OLFML2B: variants seen among roughly 807,000 people sequenced by gnomAD.
The protein encoded by OLFML2B is olfactomedin-like protein 2B.
OLFML2B carries 57 observed loss-of-function variants against 74.9 expected under a neutral mutation model. That is an observed-to-expected ratio of 0.76 (90% CI 0.61 to 0.95). OLFML2B has a LOEUF of 0.95. Among genes scored for constraint, OLFML2B ranks in the 40% least tolerant of loss-of-function variants. The probability of loss-of-function intolerance (pLI) is 0.00; values close to 1 mark genes in which losing one functional copy is unlikely to be tolerated. For missense variants in OLFML2B, 986 were observed against 970.6 expected, an observed-to-expected ratio of 1.02 and a Z score of -0.21; for synonymous variants, 388 against 405.8, an observed-to-expected ratio of 0.96 and a Z score of 0.53.
intron 1 of OLFML2B, among the ~76,000 whole-genome samples, chr1:162,021,001 C>T (rs1340840827): frequency 6.6e-6 from 1 of 152,148 alleles, no homozygotes; most frequent in Non-Finnish European, 1.5e-5. Flanking sequence ...TCTCAAGAAG[C>T]CTACAGTGCA....
intron 3 of OLFML2B, among the ~76,000 whole-genome samples, chr1:162,010,185 T>G (rs1690339497): frequency 6.6e-6 from 1 of 152,128 alleles, no homozygotes; most frequent in African/African-American, 2.4e-5. Flanking sequence ...CAGCCAACTG[T>G]GGCAATGAAA....
Position 162,023,357 on chromosome 1 carries a change from A to G in OLFML2B, c.74T>C (p.Leu25Pro). 6.2e-7 allele frequency: 1 copy of G among 1,607,320 alleles called. No individual in the cohort carries two copies. Among genetic ancestry groups the G allele is most frequent in the Non-Finnish European group, 8.5e-7 (1 of 1,175,896 alleles). The change falls in exon 1 of 8, where the codon CTC becomes CCC. Residue 25 changes from leucine to proline, a missense_variant. Transcript: ENST00000294794. ...VVPAWVSSIV[L>P]TGTSEPPDAQ... ...ATCTGGGGGCTCGCTTGTCCCTGTG[A>G]GGACAATGCTGGACACCCAGGCCGG...
chr1:162,005,717 A>G (rs1042233288), intron 4 of OLFML2B, among the ~76,000 whole-genome samples: 4 of 152,126 alleles, frequency 2.6e-5, no homozygotes, highest in Non-Finnish European at 4.4e-5. Context: ...CAGAAAATAC[A>G]TAACAAGACC....
At position 161,983,735 on chromosome 1, in the gene OLFML2B, G is replaced by A. The variant is rs1015946829; in HGVS notation, c.2193C>T (p.Arg731=). The change falls in exon 8 of 8, where the codon CGC becomes CGT. Residue 731 remains arginine (R), a synonymous_variant. Transcript: ENST00000294794. ...GGCCATTGTCCCAGGCATAGAGCAG[G>A]CGGTCCTTGGGGTTGTAGTCTATCT... The part of the protein sequence containing the change: ...TTQIDYNPKD[R]LLYAWDNGHQ... 4.3e-6 allele frequency: 7 copies of A among 1,613,772 alleles called. No individual in the cohort carries two copies. The African/African-American group carries it at 6.7e-5, about 15-fold the overall frequency.
At chr1:162,003,553 C>T (rs1044310354) in intron 4 of OLFML2B, among the ~76,000 whole-genome samples, 2 of 152,136 alleles carry the variant, frequency 1.3e-5, no homozygotes, top group African/African-American at 2.4e-5. Context: ...CAGCGGCCCC[C>T]TCCAAGCTTC....
At chr1:162,006,166 A>G in intron 4 of OLFML2B, 131 bp downstream of exon 4, 3 of 782,358 alleles carry the variant, frequency 3.8e-6, no homozygotes, top group Non-Finnish European at 5.7e-6. Flanking sequence ...AACCTGCAGA[A>G]CAATTGTATG....
In OLFML2B at chr1:162,023,559, C is replaced by T; in HGVS notation, c.-129G>A. On this transcript the variant is annotated 5_prime_UTR_variant, in exon 1 of 8. Coordinates refer to ENST00000294794, the MANE Select transcript of OLFML2B (RefSeq NM_015441.3). Reference sequence around the variant, plus strand: ...TGGCTGCTGAGAGCACCTTCTAAAGCTGGGTGCGGCTGAGCGGGACGGGAG... The same window carrying T: ...TGGCTGCTGAGAGCACCTTCTAAAGTTGGGTGCGGCTGAGCGGGACGGGAG... 1 of 906,914 alleles carries T rather than the reference C, an allele frequency of 1.1e-6. No individual in the cohort carries two copies. Among genetic ancestry groups the T allele is most frequent in the Non-Finnish European group, 1.5e-6 (1 of 650,960 alleles). The allele number at this position is 906,914 out of a possible 1,614,324, so 56.2% of individuals were successfully genotyped here.
At chr1:161,998,912 G>C (rs1325650999) in intron 5 of OLFML2B, among the ~76,000 whole-genome samples, 1 of 152,210 alleles carries the variant, frequency 6.6e-6, no homozygotes, top group Non-Finnish European at 1.5e-5. Flanking sequence ...GCTGCCTGGA[G>C]GAGGTGAAGG....
chr1:161,984,026 C>A lies in OLFML2B; in HGVS notation c.1902G>T (p.Pro634=). 2 of 1,614,178 alleles carry A rather than the reference C, an allele frequency of 1.2e-6. No individual in the cohort carries two copies. Among genetic ancestry groups the A allele is most frequent in the Middle Eastern group, 1.6e-4 (1 of 6,062 alleles). ...VDENGLWLIY[P]ALDDEGFSQE... is the part of the protein sequence containing the mutation. Reference sequence around the variant, plus strand: ...GGCTGAAGCCCTCATCGTCCAGGGCCGGGTAGATGAGCCATAGGCCATTCT... The same window carrying A: ...GGCTGAAGCCCTCATCGTCCAGGGCAGGGTAGATGAGCCATAGGCCATTCT... The change falls in exon 8 of 8, where the codon CCG becomes CCT. Residue 634 remains proline, a synonymous_variant. Coordinates refer to ENST00000294794, the MANE Select transcript of OLFML2B (RefSeq NM_015441.3).
chr1:161,988,563 C>T (rs533384197), intron 6 of OLFML2B, among the ~76,000 whole-genome samples: 9 of 148,092 alleles, frequency 6.1e-5, no homozygotes, highest in Admixed American at 4.1e-4. Flanking sequence ...CTGACACCCA[C>T]CCACCCACCT....
At chr1:162,010,550 C>G (rs1179074231) in intron 3 of OLFML2B, among the ~76,000 whole-genome samples, 1 of 152,120 alleles carries the variant, frequency 6.6e-6, no homozygotes, top group Non-Finnish European at 1.5e-5. Context: ...ATGTGTAGAC[C>G]GATGGAATGG....
Position 162,017,542 on chromosome 1 carries a change from G to T in OLFML2B, c.439-35C>A, listed in dbSNP as rs74758426. The T allele has an allele frequency of 8.6e-3, 12,858 of 1,502,934 alleles. 73 individuals are homozygous for T. Among genetic ancestry groups the T allele is most frequent in the Non-Finnish European group, 0.011 (11,507 of 1,095,894 alleles). The allele number at this position is 1,502,934 out of a possible 1,614,324, so 93.1% of individuals were successfully genotyped here. A position where few individuals can be genotyped will look rare whatever the true frequency, so the allele number is the denominator to read the frequency against. ...AAGGCAAGGGGTTAGTCCAGGGCTG[G>T]GGCACACAGACACAGGGCAGAGTTT... On this transcript the variant is annotated intron_variant, in intron 2 of 7. Transcript: ENST00000294794.
chr1:162,007,445 T>A (rs1375434263), intron 3 of OLFML2B, among the ~76,000 whole-genome samples: 1 of 152,222 alleles, frequency 6.6e-6, no homozygotes, highest in East Asian at 1.9e-4. Context: ...CTCTAGTTAT[T>A]TTTAAAGAGA....
At chr1:162,021,822 C>T (rs780844931) in intron 1 of OLFML2B, among the ~76,000 whole-genome samples, 11 of 151,162 alleles carry the variant, frequency 7.3e-5, no homozygotes, top group Non-Finnish European at 1.2e-4. Flanking sequence ...ACAGGAGGCT[C>T]GGGTTTCAGG....
At chr1:162,002,500 T>C (rs111900888) in intron 4 of OLFML2B, among the ~76,000 whole-genome samples, 5,127 of 152,324 alleles carry the variant, frequency 0.034, 273 homozygotes, top group African/African-American at 0.12. Context: ...CCACGGCCAA[T>C]GTGCTCCTTT....
At chr1:162,020,285 G>A in intron 1 of OLFML2B, 103 bp from the exon 2 acceptor site, 1 of 1,366,764 alleles carries the variant, frequency 7.3e-7, no homozygotes, top group Non-Finnish European at 9.9e-7. Flanking sequence ...GCACTAGTCA[G>A]AGACCTCAGA....
rs1019153748 is a variant in OLFML2B at position 162,012,521 on chromosome 1, G to A, written c.546+4879C>T. Among the ~76,000 whole-genome samples the A allele has an allele frequency of 5.9e-5, 9 of 152,160 alleles. 1 individual carries two copies. The highest frequency in any genetic ancestry group is 1.2e-4 in the Non-Finnish European group (8 of 68,042). ...TCCATCGTGGACTTAAATCTTCCTC[G>A]GAGGCAACATTATCAGGAGAAAAGT... is the stretch of plus-strand genomic sequence containing the variant. On this transcript the variant is annotated intron_variant, in intron 3 of 7. Transcript: ENST00000294794.
At position 161,983,983 on chromosome 1, in the gene OLFML2B, T is replaced by C. The variant is rs1471991862; in HGVS notation, c.1945A>G (p.Ser649Gly). The change falls in exon 8 of 8, where the codon AGC becomes GGC. Residue 649 changes from serine to glycine, a missense_variant. Coordinates refer to ENST00000294794, the MANE Select transcript of OLFML2B (RefSeq NM_015441.3). ...EGFSQEVIVL[S>G]KLNAADLSTQ... Reference sequence around the variant, plus strand: ...CTCAGGTCCGCGGCATTGAGCTTGCTCAGGACAATGACCTCCTGGCTGAAG... The same window carrying C: ...CTCAGGTCCGCGGCATTGAGCTTGCCCAGGACAATGACCTCCTGGCTGAAG... 3 of 1,614,200 alleles carry C rather than the reference T, an allele frequency of 1.9e-6. No individual in the cohort carries two copies. The Admixed American group carries it at 5.0e-5, about 27-fold the overall frequency.
intron 6 of OLFML2B, among the ~76,000 whole-genome samples, chr1:161,987,721 G>A (rs1288988968): frequency 3.3e-5 from 5 of 152,222 alleles, no homozygotes; most frequent in African/African-American, 9.6e-5. Context: ...AATGGATACA[G>A]ATGGAGTCAG....
Sources: gnomAD v4.1 joint callset for allele counts (sites outside exome capture counted in the v4.1 genomes callset) on GRCh38, gnomAD v4.1.1 for gene constraint, MANE v1.5 for transcripts, NCBI Gene and HGNC (gene_info 2026-07-23, HGNC 2026-07-21) for gene names.